The following GRIN2B variants were observed in gnomAD, a reference collection of about 807,000 sequenced individuals.
GRIN2B encodes glutamate ionotropic receptor NMDA type subunit 2B.
A neutral mutation model predicts 114.5 loss-of-function variants in GRIN2B; 5 were observed. The observed-to-expected ratio is 0.04, with a 90% CI of 0.02 to 0.09. The LOEUF (loss-of-function observed/expected upper bound fraction) is 0.09. Ranked by LOEUF, GRIN2B falls within the 10% of genes least tolerant of loss-of-function variation. The pLI is 1.00. For synonymous variants in GRIN2B, 787 were observed against 745.1 expected, an observed-to-expected ratio of 1.06 and a Z score of -0.92; for missense variants, 1,108 against 1,943.5, an observed-to-expected ratio of 0.57 and a Z score of 8.08.
intron 2 of GRIN2B, among the ~76,000 whole-genome samples, chr12:13,912,003 G>C (rs919614396): frequency 6.6e-6 from 1 of 152,108 alleles, no homozygotes; most frequent in Non-Finnish European, 1.5e-5. Context: ...TGAGTGACTA[G>C]TGCGCACAAA....
At chr12:13,816,100 C>T (rs1476778081) in intron 3 of GRIN2B, among the ~76,000 whole-genome samples, 1 of 152,134 alleles carries the variant, frequency 6.6e-6, no homozygotes, top group African/African-American at 2.4e-5. Flanking sequence ...TTCATCTGGT[C>T]CACATGTGTG....
chr12:13,771,902 G>T (rs1481036105), intron 3 of GRIN2B, among the ~76,000 whole-genome samples: 5 of 152,224 alleles, frequency 3.3e-5, no homozygotes, highest in African/African-American at 7.2e-5. Context: ...ACCTAGAACA[G>T]CATGGGCTCC....
intron 3 of GRIN2B, among the ~76,000 whole-genome samples, chr12:13,805,387 A>C (rs567628737): frequency 6.6e-6 from 1 of 152,330 alleles, no homozygotes; most frequent in African/African-American, 2.4e-5. Context: ...CCTGAAGGTC[A>C]AAATTTCAAA....
chr12:13,829,490 C>T (rs12298994), intron 3 of GRIN2B, among the ~76,000 whole-genome samples: 24,661 of 152,154 alleles, frequency 0.16, 2,468 homozygotes, highest in Non-Finnish European at 0.22. Flanking sequence ...CTTAACGTTG[C>T]CACTGCCCTG....
At chr12:13,685,862 C>T (rs995802) in intron 4 of GRIN2B, among the ~76,000 whole-genome samples, 144,994 of 152,222 alleles carry the variant, frequency 0.95, 69,455 homozygotes, top group East Asian at 1. Flanking sequence ...AGTTTGTTAA[C>T]GTGGTTCCTG....
chr12:13,890,909 G>A (rs1269457589), intron 2 of GRIN2B, among the ~76,000 whole-genome samples: 5 of 152,126 alleles, frequency 3.3e-5, no homozygotes, highest in Admixed American at 3.3e-4. Context: ...GCAAAGTCCA[G>A]TGGGCCCGGA....
intron 4 of GRIN2B, among the ~76,000 whole-genome samples, chr12:13,750,600 T>C (rs1863467012): frequency 6.6e-6 from 1 of 152,212 alleles, no homozygotes; most frequent in Non-Finnish European, 1.5e-5. Context: ...GGGAAAATAA[T>C]CTGAATCAGA....
rs148575183 is a variant in GRIN2B at position 13,708,778 on chromosome 12, C to T, written c.1011-32919G>A. 5.6e-4 allele frequency among the ~76,000 whole-genome samples: 85 copies of T among 152,152 alleles called. 1 individual carries two copies. The highest frequency in any genetic ancestry group is 1.9e-3 in the African/African-American group (79 of 41,536). On this transcript the variant is annotated intron_variant, in intron 4 of 13. Transcript: ENST00000609686. ...TAATTCTAACTATCTTCTTGCAGTA[C>T]TGTTCAGTGTACACTAGTGTTTTCT...
At chr12:13,709,701 C>T (rs1950396503) in intron 4 of GRIN2B, among the ~76,000 whole-genome samples, 1 of 151,998 alleles carries the variant, frequency 6.6e-6, no homozygotes, top group Non-Finnish European at 1.5e-5. Flanking sequence ...CTAATAACCA[C>T]AACCCCAGCT....
chr12:13,902,669 G>A (rs1393930421), intron 2 of GRIN2B, among the ~76,000 whole-genome samples: 1 of 152,066 alleles, frequency 6.6e-6, no homozygotes, highest in African/African-American at 2.4e-5. Flanking sequence ...AAATTAGCCA[G>A]GTGTGGTGGC....
At chr12:13,775,505 C>G (rs1863988097) in intron 3 of GRIN2B, among the ~76,000 whole-genome samples, 1 of 152,190 alleles carries the variant, frequency 6.6e-6, no homozygotes, top group Admixed American at 6.5e-5. Flanking sequence ...GGAAATAGTA[C>G]TGGGAGGCAG....
chr12:13,554,446 C>A lies in GRIN2B; in HGVS notation c.*8337G>T, dbSNP rs1374230701. The A allele has an allele frequency of 1.3e-5, 2 of 151,966 alleles. No homozygotes were observed. Among genetic ancestry groups the A allele is most frequent in the Non-Finnish European group, 2.9e-5 (2 of 67,976 alleles). The allele number at this position is 151,966 out of a possible 1,614,324, so 9.4% of individuals were successfully genotyped here. On this transcript the variant is annotated 3_prime_UTR_variant, in exon 14 of 14. Coordinates refer to ENST00000609686, the MANE Select transcript of GRIN2B (RefSeq NM_000834.5). ...GAGATAGGAAGGAGAGTATTTTGGA[C>A]AAAGGGAACAGTTTAAGGGAAGACG...
rs79656805 is a variant in GRIN2B, at chr12:13,914,049, G to A, written c.-18-47823C>T. Among the ~76,000 whole-genome samples the A allele has an allele frequency of 7.8e-3, 1,181 of 152,168 alleles. 5 individuals carry two copies. Among genetic ancestry groups the A allele is most frequent in the Non-Finnish European group, 0.012 (843 of 68,004 alleles). ...AGCAGATCCTCATTCCATTCATTAAGCTTACCATAGAAGAAAAATTTACTT... is the reference window on the plus strand; with the variant it reads ...AGCAGATCCTCATTCCATTCATTAAACTTACCATAGAAGAAAAATTTACTT... On this transcript the variant is annotated intron_variant, in intron 2 of 13. Coordinates refer to ENST00000609686, the MANE Select transcript of GRIN2B (RefSeq NM_000834.5).
At chr12:13,868,415 G>A (rs1865858607) in intron 2 of GRIN2B, among the ~76,000 whole-genome samples, 1 of 151,788 alleles carries the variant, frequency 6.6e-6, no homozygotes, top group Non-Finnish European at 1.5e-5. Context: ...TTCAGAGGAA[G>A]ACAGAAGGAG....
At chr12:13,721,410 G>A (rs957608874) in intron 4 of GRIN2B, among the ~76,000 whole-genome samples, 1 of 151,986 alleles carries the variant, frequency 6.6e-6, no homozygotes, top group African/African-American at 2.4e-5. Context: ...ACTCTTGCAG[G>A]AATCCTGGAA....
At chr12:13,755,764 C>T (rs927724851) in intron 3 of GRIN2B, among the ~76,000 whole-genome samples, 2 of 152,266 alleles carry the variant, frequency 1.3e-5, no homozygotes, top group East Asian at 3.9e-4. Context: ...TTGCATCCTC[C>T]TCAAATTCAT....
intron 5 of GRIN2B, among the ~76,000 whole-genome samples, chr12:13,631,841 A>G (rs959943478): frequency 1.3e-5 from 2 of 152,230 alleles, no homozygotes; most frequent in African/African-American, 4.8e-5. Flanking sequence ...AAAGAAACAG[A>G]TGATGAAAGA....
Position 13,890,575 on chromosome 12 carries a change from T to C in GRIN2B, c.-18-24349A>G, listed in dbSNP as rs74790340. Reference sequence around the variant, plus strand: ...GAAAACCAGGGGACTTGGTATAGAGTAGCATTTCCATAGCTCACACTATTT... The same window carrying C: ...GAAAACCAGGGGACTTGGTATAGAGCAGCATTTCCATAGCTCACACTATTT... On this transcript the variant is annotated intron_variant, in intron 2 of 13. Transcript: ENST00000609686. Among the ~76,000 whole-genome samples, 1,191 of 152,218 alleles carry C rather than the reference T, an allele frequency of 7.8e-3. 21 individuals carry two copies. Among genetic ancestry groups the C allele is most frequent in the African/African-American group, 0.028 (1,146 of 41,546 alleles).
chr12:13,637,646 CCTAAG>C (rs986422168), intron 5 of GRIN2B, among the ~76,000 whole-genome samples: 1 of 152,108 alleles, frequency 6.6e-6, no homozygotes, highest in South Asian at 2.1e-4. Context: ...CAGGGCCTTA[CCTAAG>C]CTAACAAATT....
Sources: allele counts gnomAD v4.1 joint callset (sites outside exome capture counted in the v4.1 genomes callset), GRCh38; gene constraint gnomAD v4.1.1; transcripts MANE v1.5; gene names NCBI Gene and HGNC (gene_info 2026-07-23, HGNC 2026-07-21).